The following DOCK4 variants were observed in gnomAD, a reference collection of about 807,000 sequenced individuals.
The protein encoded by DOCK4 is dedicator of cytokinesis 4, also known as dedicator of cytokinesis protein 4.
In DOCK4, 97 loss-of-function variants were observed where a neutral mutation model predicts 268.1. The ratio of observed to expected loss-of-function variants is 0.36; its 90% CI spans 0.31 to 0.43. DOCK4 has a LOEUF of 0.43. Ranked by LOEUF, DOCK4 falls within the 20% of genes least tolerant of loss-of-function variation. The pLI is 1.00. For synonymous variants in DOCK4, 954 were observed against 887.2 expected, an observed-to-expected ratio of 1.08 and a Z score of -1.34; for missense variants, 2,145 against 2,455.7, an observed-to-expected ratio of 0.87 and a Z score of 2.67.
At chr7:112,010,370 T>G (rs4730505) in intron 1 of DOCK4, among the ~76,000 whole-genome samples, 1 of 152,022 alleles carries the variant, frequency 6.6e-6, no homozygotes, top group African/African-American at 2.4e-5. Flanking sequence ...AAGTATAGCA[T>G]AGAACTGTTT....
chr7:111,977,284 C>T lies in DOCK4; in HGVS notation c.550-1G>A. 6.3e-7 allele frequency: 1 copy of T among 1,589,568 alleles called. No homozygotes were observed. The highest frequency in any genetic ancestry group is 1.8e-5 in the Admixed American group (1 of 56,190). ...CTTTCTTCCGATGTCGATGTTCCATCTGAATGACACCCCCCAACAAAAACA... is the reference window on the plus strand; with the variant it reads ...CTTTCTTCCGATGTCGATGTTCCATTTGAATGACACCCCCCAACAAAAACA... On this transcript the variant is annotated splice_acceptor_variant, in intron 7 of 52. Transcript: ENST00000428084. LOFTEE classifies it high-confidence loss of function.
intron 52 of DOCK4, among the ~76,000 whole-genome samples, chr7:111,731,799 G>A (rs1177712833): frequency 6.6e-6 from 1 of 152,128 alleles, no homozygotes; most frequent in Non-Finnish European, 1.5e-5. Context: ...TTTGGCTGAC[G>A]ATAAAGGCAA....
At chr7:111,819,822 G>A (rs1801842473) in intron 27 of DOCK4, 1 of 152,114 alleles carries the variant, frequency 6.6e-6, no homozygotes. Flanking sequence ...AATAAAAGTG[G>A]GAGTTTGGGT....
intron 13 of DOCK4, among the ~76,000 whole-genome samples, chr7:111,911,030 G>A (rs538506891): frequency 6.6e-6 from 1 of 152,196 alleles, no homozygotes; most frequent in Non-Finnish European, 1.5e-5. Context: ...AAAGAGTTTT[G>A]TGTATGTTCT....
At chr7:111,762,439 A>T (rs1414962221) in intron 39 of DOCK4, among the ~76,000 whole-genome samples, 1 of 152,170 alleles carries the variant, frequency 6.6e-6, no homozygotes, top group Non-Finnish European at 1.5e-5. Context: ...CTATTATGGA[A>T]TTATACAATG....
chr7:111,950,272 T>C (rs1316586851), intron 8 of DOCK4, among the ~76,000 whole-genome samples: 2 of 152,218 alleles, frequency 1.3e-5, no homozygotes, highest in East Asian at 1.9e-4. Context: ...TCCAAATATT[T>C]TGTGCAAACT....
At chr7:111,900,583 A>T (rs772577525) in intron 14 of DOCK4, 47 bp from the exon 15 acceptor site, 10 of 1,567,006 alleles carry the variant, frequency 6.4e-6, no homozygotes, top group Non-Finnish European at 8.6e-6. Context: ...TCATCTAAAG[A>T]TCTTTTGAAA....
chr7:112,066,543 T>C (rs996267942), intron 1 of DOCK4, among the ~76,000 whole-genome samples: 2 of 123,284 alleles, frequency 1.6e-5, no homozygotes, highest in African/African-American at 3.6e-5. Flanking sequence ...TATATATACA[T>C]ACACACATAT....
chr7:112,091,866 C>G (rs1809663176), intron 1 of DOCK4, among the ~76,000 whole-genome samples: 1 of 152,194 alleles, frequency 6.6e-6, no homozygotes, highest in Admixed American at 6.5e-5. Flanking sequence ...ACCCATACAG[C>G]CTATTTCATA....
At chr7:112,172,912 A>G (rs989244667) in intron 1 of DOCK4, among the ~76,000 whole-genome samples, 1 of 152,234 alleles carries the variant, frequency 6.6e-6, no homozygotes, top group African/African-American at 2.4e-5. Context: ...TAAAAATGAC[A>G]GCCTCATGTA....
chr7:112,140,177 A>T (rs751154256), intron 1 of DOCK4, among the ~76,000 whole-genome samples: 2 of 152,094 alleles, frequency 1.3e-5, no homozygotes, highest in African/African-American at 2.4e-5. Context: ...CCCATGAAAA[A>T]CCAAGGATAC....
intron 36 of DOCK4, among the ~76,000 whole-genome samples, chr7:111,772,490 A>T (rs1020438538): frequency 6.6e-6 from 1 of 152,162 alleles, no homozygotes; most frequent in Non-Finnish European, 1.5e-5. Context: ...ATTTTATGTT[A>T]TGCACAATTA....
chr7:112,106,841 T>C (rs1811183540), intron 1 of DOCK4, among the ~76,000 whole-genome samples: 1 of 152,190 alleles, frequency 6.6e-6, no homozygotes, highest in Non-Finnish European at 1.5e-5. Flanking sequence ...AGAGAAGATG[T>C]GTATGCAAAA....
chr7:111,942,842 C>T (rs1795318893), intron 10 of DOCK4, among the ~76,000 whole-genome samples: 1 of 152,214 alleles, frequency 6.6e-6, no homozygotes, highest in Non-Finnish European at 1.5e-5. Context: ...AACTCCTTCC[C>T]CTCCCCTGTC....
At chr7:112,128,848 C>A (rs1222235930) in intron 1 of DOCK4, among the ~76,000 whole-genome samples, 1 of 152,058 alleles carries the variant, frequency 6.6e-6, no homozygotes, top group Non-Finnish European at 1.5e-5. Context: ...CTGACCTTCC[C>A]TCCACTATTG....
At chr7:111,753,985 G>A (rs1796859491) in intron 42 of DOCK4, among the ~76,000 whole-genome samples, 1 of 152,204 alleles carries the variant, frequency 6.6e-6, no homozygotes, top group South Asian at 2.1e-4. Context: ...CATTGTATGT[G>A]TATATGACAT....
chr7:111,900,490 T>C lies in DOCK4; in HGVS notation c.1364A>G (p.His455Arg), dbSNP rs1299209498. 1.2e-6 allele frequency: 2 copies of C among 1,612,514 alleles called. No homozygotes were observed. The highest frequency in any genetic ancestry group is 2.2e-5 in the East Asian group (1 of 44,862). Residue 455 changes from histidine (H) to arginine (R), a missense_variant, in exon 15 of 53, where the codon CAC (histidine) becomes CGC (arginine). Transcript: ENST00000428084. Reference sequence around the variant, plus strand: ...GTTGTTATGGTAAAGCACAAAGGAGTGGTACTCACTGGCTGGTGGCTCCCC... The same window carrying C: ...GTTGTTATGGTAAAGCACAAAGGAGCGGTACTCACTGGCTGGTGGCTCCCC... ...GSGEPPASEY[H>R]SFVLYHNNSP...
At chr7:111,845,205 C>T (rs1369649538) in intron 24 of DOCK4, among the ~76,000 whole-genome samples, 1 of 152,214 alleles carries the variant, frequency 6.6e-6, no homozygotes, top group Non-Finnish European at 1.5e-5. Flanking sequence ...AGTCAGTCTG[C>T]CTCTCTGAGC....
Position 112,114,614 on chromosome 7 carries a change from G to C in DOCK4, c.37+91488C>G, listed in dbSNP as rs991113450. Among the ~76,000 whole-genome samples, 5 of 152,152 alleles carry C rather than the reference G, an allele frequency of 3.3e-5. 1 individual carries two copies. In the South Asian group the frequency reaches 8.3e-4, roughly 25 times the overall value. ...TCCTCAAGACAACCAGCATTCTCTA[G>C]TACACAGCACAAGTAATTTATGTGT... On this transcript the variant is annotated intron_variant, in intron 1 of 52. Coordinates refer to ENST00000428084, the MANE Select transcript of DOCK4 (RefSeq NM_001363540.2).
Sources: allele counts gnomAD v4.1 joint callset (sites outside exome capture counted in the v4.1 genomes callset), GRCh38; gene constraint gnomAD v4.1.1; transcripts MANE v1.5; gene names NCBI Gene and HGNC (gene_info 2026-07-23, HGNC 2026-07-21).